TUSC3: variants seen among roughly 807,000 people sequenced by gnomAD.
The protein encoded by TUSC3 is dolichyl-diphosphooligosaccharide--protein glycosyltransferase subunit TUSC3.
Under a neutral mutation model 44.8 loss-of-function variants are expected in TUSC3, and 45 were observed. That is an observed-to-expected ratio of 1.00 (90% CI 0.79 to 1.29). The LOEUF is 1.29. Ranked by LOEUF, TUSC3 falls within the 50% of genes most tolerant of loss-of-function variation. TUSC3 has a pLI of 0.00. For missense variants in TUSC3, 519 were observed against 437.9 expected (o/e 1.19, Z -1.65); for synonymous variants, 212 against 152.9 (o/e 1.39, Z -2.85).
At chr8:15,723,862 G>C (rs1238294125) in intron 6 of TUSC3, among the ~76,000 whole-genome samples, 1 of 152,060 alleles carries the variant, frequency 6.6e-6, no homozygotes, top group Non-Finnish European at 1.5e-5. Flanking sequence ...GGAGACTCAG[G>C]ACTAGTATCA....
At chr8:15,783,619 TAGAG>T in the TUSC3 span, among the ~76,000 whole-genome samples, 6 of 152,098 alleles carry the variant, frequency 3.9e-5, no homozygotes, top group African/African-American at 1.2e-4. Flanking sequence ...GAACACACAA[TAGAG>T]AAAGGACAAT....
At chr8:15,845,573 C>T in the TUSC3 span, among the ~76,000 whole-genome samples, 9 of 152,108 alleles carry the variant, frequency 5.9e-5, no homozygotes, top group Admixed American at 3.9e-4. Flanking sequence ...ATTTTGGTCA[C>T]ATTATCTCAG....
chr8:15,666,887 A>T (rs1212548979), intron 5 of TUSC3, among the ~76,000 whole-genome samples: 1 of 151,520 alleles, frequency 6.6e-6, no homozygotes, highest in Non-Finnish European at 1.5e-5. Flanking sequence ...AACAGAAAAT[A>T]AAATGAATTC....
At chr8:15,756,971 C>CA (rs2129222774) in intron 9 of TUSC3, among the ~76,000 whole-genome samples, 2 of 152,200 alleles carry the variant, frequency 1.3e-5, no homozygotes, top group South Asian at 4.1e-4. Flanking sequence ...GGTGTCTCTA[C>CA]AAAAAATTTA....
intron 6 of TUSC3, among the ~76,000 whole-genome samples, chr8:15,718,407 C>T (rs1810147105): frequency 6.6e-6 from 1 of 152,032 alleles, no homozygotes; most frequent in African/African-American, 2.4e-5. Context: ...AATTTGTTTG[C>T]ATGGAGAATA....
intron 1 of TUSC3, among the ~76,000 whole-genome samples, chr8:15,418,977 C>T (rs1367422560): frequency 2.0e-5 from 3 of 151,994 alleles, no homozygotes; most frequent in Non-Finnish European, 4.4e-5. Flanking sequence ...TGCACTCCAG[C>T]CTGAGCAACA....
At chr8:15,518,307 A>G (rs1280163216) in intron 2 of TUSC3, among the ~76,000 whole-genome samples, 1 of 152,000 alleles carries the variant, frequency 6.6e-6, no homozygotes, top group Non-Finnish European at 1.5e-5. Flanking sequence ...TGGCTCTTTT[A>G]TTTGCTATAA....
chr8:15,448,121 T>TATATATATA lies in TUSC3; in HGVS notation n.91+30816_91+30817insATATATATA, dbSNP rs1354912985. 1.0e-3 allele frequency among the ~76,000 whole-genome samples: 27 copies of TATATATATA among 25,878 alleles called. 4 individuals are homozygous for TATATATATA. Among genetic ancestry groups the TATATATATA allele is most frequent in the Middle Eastern group, 0.038 (2 of 52 alleles). 17.0% of individuals were successfully genotyped at this position (25,878 alleles called of 152,430 possible). On this transcript the variant is annotated intron_variant and non_coding_transcript_variant, in intron 1 of 5. Transcript: ENST00000503191. ...GTAGTGTATATACATATATATATATTTATTTATTTATTTTTTAGATGGAGT... is the reference window on the plus strand; with the variant it reads ...GTAGTGTATATACATATATATATATTATATATATATATTTATTTATTTTTTAGATGGAGT...
chr8:15,752,367 G>A (rs1214239914), intron 9 of TUSC3, among the ~76,000 whole-genome samples: 1 of 145,180 alleles, frequency 6.9e-6, no homozygotes, highest in Non-Finnish European at 1.5e-5. Flanking sequence ...AATAGTGAAC[G>A]TTTCTGGTTT....
the TUSC3 span, among the ~76,000 whole-genome samples, chr8:15,825,359 A>T: frequency 6.6e-6 from 1 of 152,194 alleles, no homozygotes; most frequent in African/African-American, 2.4e-5. Context: ...GGCACGTCTT[A>T]CATGGTGGCA....
At chr8:15,562,596 A>G (rs1802518072) in intron 1 of TUSC3, among the ~76,000 whole-genome samples, 2 of 152,078 alleles carry the variant, frequency 1.3e-5, no homozygotes, top group Non-Finnish European at 2.9e-5. Context: ...TTAAGGTGAG[A>G]CCGGGTTGCG....
At chr8:15,634,343 G>A (rs528030378) in intron 2 of TUSC3, among the ~76,000 whole-genome samples, 2 of 152,270 alleles carry the variant, frequency 1.3e-5, no homozygotes, top group African/African-American at 4.8e-5. Context: ...CACGATTCTA[G>A]ACAGACCCGC....
chr8:15,759,648 T>G (rs1812089197), intron 10 of TUSC3, among the ~76,000 whole-genome samples: 1 of 152,072 alleles, frequency 6.6e-6, no homozygotes. Context: ...GCATTTTAGT[T>G]GACAAGCCCC....
intron 1 of TUSC3, among the ~76,000 whole-genome samples, chr8:15,464,098 C>G (rs939084213): frequency 2.0e-4 from 31 of 152,144 alleles, no homozygotes; most frequent in African/African-American, 7.2e-4. Flanking sequence ...TGAGTCTAGT[C>G]AACTGGAGCA....
intron 7 of TUSC3, among the ~76,000 whole-genome samples, chr8:15,732,818 C>G (rs1383271934): frequency 6.6e-6 from 1 of 152,166 alleles, no homozygotes; most frequent in Non-Finnish European, 1.5e-5. Flanking sequence ...TTGAACACCA[C>G]TGACCATCTT....
At chr8:15,437,995 C>A (rs1799972085) in intron 1 of TUSC3, among the ~76,000 whole-genome samples, 1 of 152,176 alleles carries the variant, frequency 6.6e-6, no homozygotes, top group African/African-American at 2.4e-5. Flanking sequence ...GTTATAAGGT[C>A]TTTCTACTTC....
At chr8:15,496,073 T>G (rs185199553) in intron 2 of TUSC3, among the ~76,000 whole-genome samples, 38 of 152,310 alleles carry the variant, frequency 2.5e-4, no homozygotes, top group Middle Eastern at 6.8e-3. Context: ...TCTAATAGAC[T>G]CAACTTTGTC....
chr8:15,654,300 G>A (rs1002565963), intron 3 of TUSC3, among the ~76,000 whole-genome samples: 1 of 152,070 alleles, frequency 6.6e-6, no homozygotes, highest in Non-Finnish European at 1.5e-5. Flanking sequence ...GTATGGAATG[G>A]GAGAAGCACA....
intron 1 of TUSC3, among the ~76,000 whole-genome samples, chr8:15,609,842 C>T (rs1008418563): frequency 6.6e-6 from 1 of 151,894 alleles, no homozygotes; most frequent in Non-Finnish European, 1.5e-5. Context: ...ATTTACATGA[C>T]TTTATGACCT....
Sources: allele counts gnomAD v4.1 joint callset (sites outside exome capture counted in the v4.1 genomes callset), GRCh38; gene constraint gnomAD v4.1.1; transcripts MANE v1.5; gene names NCBI Gene and HGNC (gene_info 2026-07-23, HGNC 2026-07-21).